Variants in TRPM3 observed in about 807,000 individuals in gnomAD.
The protein encoded by TRPM3 is transient receptor potential cation channel subfamily M member 3.
In TRPM3, 77 loss-of-function variants were observed where a neutral mutation model predicts 181.2. The observed-to-expected ratio is 0.42, with a 90% CI of 0.35 to 0.51. TRPM3 has a LOEUF of 0.51. Ranked by LOEUF, TRPM3 falls within the 20% of genes least tolerant of loss-of-function variation. TRPM3 has a pLI of 0.01. For missense variants in TRPM3, 1,759 were observed against 2,196.7 expected (o/e 0.80, Z 3.98); for synonymous variants, 745 against 796.4 (o/e 0.94, Z 1.09).
chr9:70,990,572 G>T (rs1008307306), intron 1 of TRPM3, among the ~76,000 whole-genome samples: 1 of 152,112 alleles, frequency 6.6e-6, no homozygotes, highest in Non-Finnish European at 1.5e-5. Flanking sequence ...TGAAATGTTT[G>T]CATTAAAATG....
In TRPM3 at chr9:71,096,590, A is replaced by ACACACACACTCT. The variant is rs1452142664; in HGVS notation, c.177+24587_177+24588insAGAGTGTGTGTG. Among the ~76,000 whole-genome samples, 14 of 90,040 alleles carry ACACACACACTCT rather than the reference A, an allele frequency of 1.6e-4. No individual in the cohort carries two copies. In the East Asian group the frequency reaches 1.7e-3, roughly 11 times the overall value. 59.1% of individuals were successfully genotyped at this position (90,040 alleles called of 152,430 possible). A position where few individuals can be genotyped will look rare whatever the true frequency, so the allele number is the denominator to read the frequency against. On this transcript the variant is annotated intron_variant, in intron 1 of 25. Coordinates refer to ENST00000677713, the MANE Select transcript of TRPM3 (RefSeq NM_001366145.2). ...CACACACACACACACACACACACAC[A>ACACACACACTCT]CTCTCTCTCTCTCTCTCTCTCTCTC...
intron 1 of TRPM3, among the ~76,000 whole-genome samples, chr9:71,351,099 G>A (rs2132665511): frequency 6.6e-6 from 1 of 152,278 alleles, no homozygotes; most frequent in Non-Finnish European, 1.5e-5. Context: ...CTTTTTAAAG[G>A]TGAACCTGAT....
Position 70,618,987 on chromosome 9 carries a change from CGTGGCG to C in TRPM3, c.2232_2237del (p.Asn744_Thr746delinsLys). 6.2e-7 allele frequency: 1 copy of C among 1,614,214 alleles called. No homozygotes were observed. The highest frequency in any genetic ancestry group is 8.5e-7 in the Non-Finnish European group (1 of 1,180,036). On this transcript the variant is annotated inframe_deletion, in exon 17 of 26. Transcript: ENST00000677713. The stretch of plus-strand genomic sequence containing the variant: ...TGGCAGCCACGGCAAGCTGCAGGCA[CGTGGCG>C]TTGCTCCAGTTCTTCAGCTCATACG...
intron 1 of TRPM3, among the ~76,000 whole-genome samples, chr9:71,432,998 T>G (rs994052778): frequency 4.6e-5 from 7 of 152,222 alleles, no homozygotes; most frequent in Non-Finnish European, 8.8e-5. Context: ...ATAACTACAG[T>G]AAAATCCTTA....
intron 1 of TRPM3, among the ~76,000 whole-genome samples, chr9:71,198,504 G>C (rs2078546680): frequency 6.6e-6 from 1 of 152,194 alleles, no homozygotes; most frequent in Non-Finnish European, 1.5e-5. Flanking sequence ...CTACCCATGA[G>C]CATGGAATGT....
intron 25 of TRPM3, among the ~76,000 whole-genome samples, chr9:70,541,802 C>T (rs2043444322): frequency 6.6e-6 from 1 of 152,194 alleles, no homozygotes; most frequent in South Asian, 2.1e-4. Flanking sequence ...TGAGCCACTG[C>T]ACCTGGCCTT....
intron 1 of TRPM3, among the ~76,000 whole-genome samples, chr9:71,358,957 C>T (rs1351697844): frequency 2.0e-5 from 3 of 152,170 alleles, no homozygotes; most frequent in African/African-American, 7.2e-5. Context: ...TTATAAAATA[C>T]ATGGTTCTTT....
rs114881673 is a variant in TRPM3 at position 70,812,176 on chromosome 9, C to T, written c.973+15671G>A. On this transcript the variant is annotated intron_variant, in intron 6 of 25. Coordinates refer to ENST00000677713, the MANE Select transcript of TRPM3 (RefSeq NM_001366145.2). The stretch of plus-strand genomic sequence containing the variant: ...TTAGAGACAGCATTAAGGGAAGATC[C>T]CAAATCCTCAAGTTAGATCTCTAGA... 5.8e-3 allele frequency among the ~76,000 whole-genome samples: 885 copies of T among 152,278 alleles called. 14 individuals are homozygous for T. Among genetic ancestry groups the T allele is most frequent in the African/African-American group, 0.019 (797 of 41,566 alleles).
intron 9 of TRPM3, among the ~76,000 whole-genome samples, chr9:70,651,288 T>C (rs1265914768): frequency 6.6e-6 from 1 of 152,228 alleles, no homozygotes; most frequent in Non-Finnish European, 1.5e-5. Context: ...TGCTCTTTTG[T>C]TATTCTTTCT....
intron 1 of TRPM3, among the ~76,000 whole-genome samples, chr9:71,284,802 A>G (rs1015960099): frequency 6.6e-6 from 1 of 152,206 alleles, no homozygotes; most frequent in African/African-American, 2.4e-5. Context: ...TACAGTTCAA[A>G]ACTCAGCTAG....
rs72421594 is a variant in TRPM3, at chr9:70,841,624, CTATA to C, written c.801+1375_801+1378del. 6.8e-3 allele frequency among the ~76,000 whole-genome samples: 494 copies of C among 72,882 alleles called. 6 individuals carry two copies. The highest frequency in any genetic ancestry group is 0.021 in the African/African-American group (381 of 18,348). The allele number at this position is 72,882 out of a possible 152,430, so 47.8% of individuals were successfully genotyped here. A position where few individuals can be genotyped will look rare whatever the true frequency, so the allele number is the denominator to read the frequency against. The stretch of plus-strand genomic sequence containing the variant: ...ATTGGATATATATATCTATATCCCA[CTATA>C]TATATATATATATATATATATATAT... On this transcript the variant is annotated intron_variant, in intron 5 of 25. Transcript: ENST00000677713.
chr9:70,674,484 T>A (rs921847009), intron 9 of TRPM3, among the ~76,000 whole-genome samples: 1 of 152,186 alleles, frequency 6.6e-6, no homozygotes, highest in Non-Finnish European at 1.5e-5. Flanking sequence ...TGAAGGTTGG[T>A]GATAGTAACT....
chr9:71,395,060 G>A (rs1280810898), intron 1 of TRPM3, among the ~76,000 whole-genome samples: 1 of 152,144 alleles, frequency 6.6e-6, no homozygotes, highest in African/African-American at 2.4e-5. Flanking sequence ...ATCCCACAAT[G>A]ACCAGGCAAT....
chr9:70,536,152 T>C lies in TRPM3; in HGVS notation c.4961A>G (p.Glu1654Gly), dbSNP rs1382365955. The stretch of plus-strand genomic sequence containing the variant: ...GGTGTGTGCATATGGCGCACTTGGC[T>C]CCTCTGCCGAGTAGCTGTTGGCGCG... Reference protein sequence around the residue: ...IERANSYSAEEPSAPYAHTRK... With the variant: ...IERANSYSAEGPSAPYAHTRK... Residue 1654 changes from glutamate to glycine, a missense_variant, in exon 26 of 26, where the codon GAG (glutamate) becomes GGG (glycine). By Grantham distance (98) the Glu-to-Gly change is moderately conservative (BLOSUM62 -2). This residue lies in a region of TRPM3 where 612 missense variants were observed against 590.0 expected (regional missense o/e 1.04). Transcript: ENST00000677713. 1.2e-6 allele frequency: 2 copies of C among 1,614,084 alleles called. No individual in the cohort carries two copies. The highest frequency in any genetic ancestry group is 1.7e-6 in the Non-Finnish European group (2 of 1,180,026).
chr9:71,283,925 C>T lies in TRPM3; in HGVS notation c.183+162728G>A, dbSNP rs182351529. Among the ~76,000 whole-genome samples, 5 of 152,292 alleles carry T rather than the reference C, an allele frequency of 3.3e-5. No homozygotes were observed. The East Asian group carries it at 5.8e-4, about 18-fold the overall frequency. On this transcript the variant is annotated intron_variant, in intron 1 of 24. Transcript: ENST00000357533. ...TGTGTCTATGTTCCTCCTTTTTAAA[C>T]GCATTAATCTGTCCCACTTCCTACC...
chr9:70,603,720 T>A (rs2060493233), intron 19 of TRPM3, among the ~76,000 whole-genome samples: 1 of 152,218 alleles, frequency 6.6e-6, no homozygotes, highest in Admixed American at 6.5e-5. Context: ...TTTAAATCTA[T>A]GTGTCATGAT....
Position 70,529,579 on chromosome 9 carries a change from ATC to A in TRPM3, c.*6372_*6373del, listed in dbSNP as rs746432718. On this transcript the variant is annotated 3_prime_UTR_variant, in exon 26 of 26. Transcript: ENST00000677713. Reference sequence around the variant, plus strand: ...CCATGCTATGGTACTCTTCTTCTGAATCTCTCTCACAAAGACTCTGTGTTCAA... The same window carrying A: ...CCATGCTATGGTACTCTTCTTCTGAATCTCTCACAAAGACTCTGTGTTCAA... 19 of 152,314 alleles carry A rather than the reference ATC, an allele frequency of 1.2e-4. No individual in the cohort carries two copies. The East Asian group carries it at 1.5e-3, about 12-fold the overall frequency. The allele number at this position is 152,314 out of a possible 1,614,324, so 9.4% of individuals were successfully genotyped here.
chr9:70,852,778 T>A (rs560988253), intron 3 of TRPM3, among the ~76,000 whole-genome samples: 2 of 152,270 alleles, frequency 1.3e-5, no homozygotes, highest in East Asian at 3.9e-4. Context: ...TCCTCACTTC[T>A]CCCTGCATTT....
intron 1 of TRPM3, among the ~76,000 whole-genome samples, chr9:71,129,361 T>C (rs1251212492): frequency 1.3e-5 from 2 of 152,236 alleles, no homozygotes; most frequent in East Asian, 1.9e-4. Context: ...ATTAAGTCAC[T>C]GGGCAATTCA....
Sources: gnomAD v4.1 joint callset for allele counts (sites outside exome capture counted in the v4.1 genomes callset) on GRCh38, gnomAD v4.1.1 for gene constraint, gnomAD v4.1.1 regional missense constraint, MANE v1.5 for transcripts, NCBI Gene and HGNC (gene_info 2026-07-23, HGNC 2026-07-21) for gene names.